Variants in FAT3 observed in about 807,000 individuals in gnomAD.
FAT3 encodes protocadherin Fat 3.
In FAT3, 95 loss-of-function variants were observed where a neutral mutation model predicts 310.2. The ratio of observed to expected loss-of-function variants is 0.31; its 90% CI spans 0.26 to 0.36. FAT3 has a LOEUF of 0.36. Ranked by LOEUF, FAT3 falls within the 10% of genes least tolerant of loss-of-function variation. The pLI, the probability that FAT3 is intolerant of heterozygous loss-of-function variation, is 1.00. For missense variants in FAT3, 5,408 were observed against 5,715.6 expected, an observed-to-expected ratio of 0.95 and a Z score of 1.74; for synonymous variants, 2,314 against 2,192.9, an observed-to-expected ratio of 1.06 and a Z score of -1.54.
At chr11:92,692,900 T>C (rs1032536102) in intron 3 of FAT3, among the ~76,000 whole-genome samples, 9 of 152,198 alleles carry the variant, frequency 5.9e-5, no homozygotes, top group African/African-American at 2.2e-4. Context: ...AATGTGAATG[T>C]CATGGCAGCA....
intron 2 of FAT3, among the ~76,000 whole-genome samples, chr11:92,361,451 G>C (rs1055099780): frequency 6.6e-6 from 1 of 151,010 alleles, no homozygotes; most frequent in Non-Finnish European, 1.5e-5. Context: ...ATTGAATCAC[G>C]AAGATTCCAC....
In FAT3 at chr11:92,857,246, G is replaced by A. The variant is rs764988898; in HGVS notation, c.11398G>A (p.Val3800Met). The change falls in exon 20 of 28, where the codon GTG becomes ATG. Residue 3800 changes from valine (V) to methionine (M), a missense_variant. Physicochemically the swap from Val to Met is conservative, Grantham distance 21. Transcript: ENST00000525166. ...GTGTCCGGGGTCCAACGATCCTTGT[G>A]TGGAGAAGCCGTGTCCAGGGGACAT... ...GLCPGSNDPC[V>M]EKPCPGDMQC... 1.4e-5 allele frequency: 23 copies of A among 1,614,002 alleles called. No homozygotes were observed. Among genetic ancestry groups the A allele is most frequent in the South Asian group, 5.5e-5 (5 of 91,076 alleles).
At chr11:92,576,522 T>C (rs1938494080) in intron 3 of FAT3, among the ~76,000 whole-genome samples, 1 of 152,158 alleles carries the variant, frequency 6.6e-6, no homozygotes, top group Non-Finnish European at 1.5e-5. Context: ...TGGAACACTT[T>C]CCTACCATTT....
chr11:92,859,447 C>CTTCTG, intron 21 of FAT3, 125 bp downstream of exon 21: 1 of 956,066 alleles, frequency 1.0e-6, no homozygotes, highest in Non-Finnish European at 1.5e-6. Flanking sequence ...GACTTCTGGG[C>CTTCTG]AAAGGGGAGC....
rs367795074 is a variant in FAT3, at chr11:92,353,733, G to A, written c.1621G>A (p.Glu541Lys). 6 of 1,613,740 alleles carry A rather than the reference G, an allele frequency of 3.7e-6. No individual in the cohort carries two copies. Among genetic ancestry groups the A allele is most frequent in the Admixed American group, 1.7e-5 (1 of 59,958 alleles). Residue 541 changes from glutamate to lysine, a missense_variant, in exon 2 of 28, where the codon GAA becomes AAA. By Grantham distance (56) the Glu-to-Lys change is moderately conservative (BLOSUM62 1). Around this residue, in one of 5 missense-constraint regions of FAT3, gnomAD observed 4,588 missense variants for 4,809.8 expected, o/e 0.95. Coordinates refer to ENST00000525166, the MANE Select transcript of FAT3 (RefSeq NM_001367949.2). Reference sequence around the variant, plus strand: ...AGAACTGGATTTTGAATCCTCCCCAGAAATTTACAGATTCATTGTTAGAGC... The same window carrying A: ...AGAACTGGATTTTGAATCCTCCCCAAAAATTTACAGATTCATTGTTAGAGC... ...TEELDFESSPEIYRFIVRASD... is the reference protein window; with the variant it reads ...TEELDFESSPKIYRFIVRASD...
intron 3 of FAT3, among the ~76,000 whole-genome samples, chr11:92,537,744 T>C (rs1275522534): frequency 6.6e-6 from 1 of 152,172 alleles, no homozygotes; most frequent in African/African-American, 2.4e-5. Context: ...CTTGTAATAA[T>C]AATACGTAAT....
At chr11:92,409,756 C>T (rs1246697226) in intron 2 of FAT3, among the ~76,000 whole-genome samples, 3 of 152,110 alleles carry the variant, frequency 2.0e-5, no homozygotes, top group African/African-American at 7.2e-5. Flanking sequence ...AGCATGATTG[C>T]AGGGTAGTGC....
chr11:92,524,331 A>G (rs1591399849), intron 2 of FAT3, among the ~76,000 whole-genome samples: 1 of 152,068 alleles, frequency 6.6e-6, no homozygotes, highest in Non-Finnish European at 1.5e-5. Flanking sequence ...ATTCCTCTAT[A>G]TCATCTATTC....
At chr11:92,564,520 C>T (rs1327735083) in intron 3 of FAT3, among the ~76,000 whole-genome samples, 1 of 151,810 alleles carries the variant, frequency 6.6e-6, no homozygotes, top group African/African-American at 2.4e-5. Flanking sequence ...TTGAACTCAG[C>T]TCTGCACCAA....
intron 2 of FAT3, among the ~76,000 whole-genome samples, chr11:92,486,129 GGT>G (rs1952380285): frequency 7.2e-5 from 2 of 27,668 alleles, no homozygotes; most frequent in African/African-American, 1.7e-4. Context: ...AGGCTGCTGG[GGT>G]TTTTTTTTTT....
intron 19 of FAT3, among the ~76,000 whole-genome samples, chr11:92,852,593 TA>T (rs1948861211): frequency 6.6e-6 from 1 of 152,078 alleles, no homozygotes; most frequent in South Asian, 2.1e-4. Context: ...AAGAACCTAT[TA>T]AAAACAGAAA....
chr11:92,239,103 A>G (rs1349234228), intron 1 of FAT3, among the ~76,000 whole-genome samples: 1 of 152,100 alleles, frequency 6.6e-6, no homozygotes, highest in Non-Finnish European at 1.5e-5. Flanking sequence ...TCTACTAAAG[A>G]AATTGAGGCA....
intron 2 of FAT3, among the ~76,000 whole-genome samples, chr11:92,442,111 A>ATATATTTTTTTT: frequency 1.1e-4 from 5 of 45,202 alleles, no homozygotes; most frequent in South Asian, 1.4e-3. Flanking sequence ...ATATATATAT[A>ATATATTTTTTTT]TTTTTTTTTT....
chr11:92,328,336 C>T (rs904924404), intron 1 of FAT3, among the ~76,000 whole-genome samples: 13 of 152,158 alleles, frequency 8.5e-5, no homozygotes, highest in Admixed American at 3.3e-4. Flanking sequence ...TTTTTAACAT[C>T]TGGTCCTCCT....
At chr11:92,583,553 G>GC (rs1938943311) in intron 3 of FAT3, among the ~76,000 whole-genome samples, 3 of 151,138 alleles carry the variant, frequency 2.0e-5, no homozygotes, top group African/African-American at 7.3e-5. Flanking sequence ...TGGCCTCCTT[G>GC]TCCCCCATTC....
Position 92,716,549 on chromosome 11 carries a change from T to A in FAT3, c.3669+19104T>A, listed in dbSNP as rs142536617. On this transcript the variant is annotated intron_variant, in intron 4 of 27. Coordinates refer to ENST00000525166, the MANE Select transcript of FAT3 (RefSeq NM_001367949.2). ...AGAAAATTTGCATATATCTTAGTTT[T>A]ACTCATTTCCATAAGGTTCTTAACT... 1.3e-3 allele frequency among the ~76,000 whole-genome samples: 203 copies of A among 152,370 alleles called. 1 individual carries two copies. Among genetic ancestry groups the A allele is most frequent in the African/African-American group, 4.7e-3 (197 of 41,596 alleles).
intron 2 of FAT3, among the ~76,000 whole-genome samples, chr11:92,413,336 G>T (rs1266546021): frequency 6.6e-6 from 1 of 152,150 alleles, no homozygotes; most frequent in Non-Finnish European, 1.5e-5. Context: ...CTGATAAGGT[G>T]TTATATATAA....
chr11:92,676,271 C>G (rs1218689908), intron 3 of FAT3, among the ~76,000 whole-genome samples: 3 of 152,192 alleles, frequency 2.0e-5, no homozygotes, highest in African/African-American at 7.2e-5. Context: ...ACCTATAATG[C>G]TTCAGGCTTC....
intron 1 of FAT3, among the ~76,000 whole-genome samples, chr11:92,308,421 A>C (rs544445749): frequency 6.6e-6 from 1 of 152,178 alleles, no homozygotes; most frequent in Admixed American, 6.6e-5. Context: ...ATGTTGTTTT[A>C]TCTCTGGGCT....
Sources: gnomAD v4.1 joint callset for allele counts (sites outside exome capture counted in the v4.1 genomes callset) on GRCh38, gnomAD v4.1.1 for gene constraint, gnomAD v4.1.1 regional missense constraint, MANE v1.5 for transcripts, NCBI Gene and HGNC (gene_info 2026-07-23, HGNC 2026-07-21) for gene names.